Variants in ASIP observed in about 807,000 individuals in gnomAD.
ASIP encodes agouti signaling protein.
A neutral mutation model predicts 10.3 loss-of-function variants in ASIP; 11 were observed. The ratio of observed to expected loss-of-function variants is 1.07; its 90% CI spans 0.68 to 1.78. The LOEUF is 1.78. ASIP is among the 40% of genes most tolerant of loss of function. The probability of loss-of-function intolerance (pLI) is 0.00; values close to 1 mark genes in which losing one functional copy is unlikely to be tolerated. For missense variants in ASIP, 180 were observed against 169.2 expected (o/e 1.06, Z -0.35); for synonymous variants, 70 against 70.8 (o/e 0.99, Z 0.06).
intron 1 of ASIP, chr20:34,214,716 A>T: frequency 8.9e-7 from 1 of 1,125,964 alleles, no homozygotes. Context: ...CTTCATCATA[A>T]GTCAATTTTT....
chr20:34,265,429 T>A (rs547327589), intron 3 of ASIP, among the ~76,000 whole-genome samples: 2 of 151,796 alleles, frequency 1.3e-5, no homozygotes, highest in Admixed American at 6.6e-5. Context: ...GAGGCTGAAG[T>A]AGGAGAATCG....
At chr20:34,196,010 C>T (rs1302576434) in intron 1 of ASIP, among the ~76,000 whole-genome samples, 3 of 152,032 alleles carry the variant, frequency 2.0e-5, no homozygotes, top group Non-Finnish European at 2.9e-5. Flanking sequence ...CTTGCCATAT[C>T]TTGGTTCCAC....
chr20:34,254,961 G>C (rs2035543641), intron 1 of ASIP, among the ~76,000 whole-genome samples: 1 of 152,104 alleles, frequency 6.6e-6, no homozygotes, highest in African/African-American at 2.4e-5. Flanking sequence ...GTTTTGCCGG[G>C]GGTTGGTCTG....
chr20:34,254,648 T>C (rs1409732781), intron 1 of ASIP, among the ~76,000 whole-genome samples: 1 of 152,186 alleles, frequency 6.6e-6, no homozygotes, highest in Non-Finnish European at 1.5e-5. Flanking sequence ...TATAGAAGCA[T>C]TAATATTTTC....
At chr20:34,196,414 C>T (rs935698318) in intron 1 of ASIP, among the ~76,000 whole-genome samples, 11 of 151,930 alleles carry the variant, frequency 7.2e-5, no homozygotes, top group Non-Finnish European at 1.3e-4. Context: ...ACCTCATGAT[C>T]CACCCGCCTC....
intron 1 of ASIP, among the ~76,000 whole-genome samples, chr20:34,249,090 C>G (rs2035429633): frequency 6.7e-6 from 1 of 150,166 alleles, no homozygotes; most frequent in Non-Finnish European, 1.5e-5. Flanking sequence ...GATGGCACCA[C>G]TGCACTCCAG....
In ASIP at chr20:34,269,167, A is replaced by T. The variant is rs893598428; in HGVS notation, c.399A>T (p.Ter133CysextTer22). The change falls in exon 4 of 4, where the codon TGA becomes TGT. Residue 133 changes from the stop codon to cysteine (C), a stop_lost. Transcript: ENST00000374954. ...GCCGCGTGCTCAGCCTCAACTGCTG[A>T]GCGCCCCCACTCCCGGCCGCGAGCA... ...CSCRVLSLNC[*>C] The T allele has an allele frequency of 1.3e-6, 2 of 1,522,582 alleles. No individual in the cohort carries two copies. Among genetic ancestry groups the T allele is most frequent in the Non-Finnish European group, 1.8e-6 (2 of 1,133,826 alleles). 94.3% of individuals were successfully genotyped at this position (1,522,582 alleles called of 1,614,324 possible).
Position 34,208,333 on chromosome 20 carries a change from A to G in ASIP, c.-11+13573A>G, listed in dbSNP as rs1402196256. On this transcript the variant is annotated intron_variant, in intron 1 of 3. Transcript: ENST00000568305. ...GACTTTTAAAAATATTTTTGTGAAG[A>G]ATGTCATTGGTATTTTTTTGTTTGT... is the stretch of plus-strand genomic sequence containing the variant. Among the ~76,000 whole-genome samples the G allele has an allele frequency of 2.0e-5, 3 of 151,860 alleles. No homozygotes were observed. The East Asian group carries it at 5.8e-4, about 29-fold the overall frequency.
chr20:34,214,566 T>G, intron 1 of ASIP: 1 of 1,460,000 alleles, frequency 6.8e-7, no homozygotes, highest in Non-Finnish European at 9.6e-7. Context: ...AATTCTGCAG[T>G]GTAGAACTAA....
At chr20:34,219,120 A>C (rs1186554798) in intron 1 of ASIP, among the ~76,000 whole-genome samples, 1 of 152,126 alleles carries the variant, frequency 6.6e-6, no homozygotes, top group Non-Finnish European at 1.5e-5. Context: ...ATAAATATAG[A>C]CTCAAAGCTC....
chr20:34,255,643 G>A (rs6120579), intron 1 of ASIP, among the ~76,000 whole-genome samples: 17,988 of 152,206 alleles, frequency 0.12, 1,138 homozygotes, highest in South Asian at 0.19. Context: ...AATAATCTTT[G>A]TTCTACAATT....
chr20:34,260,627 G>C, intron 2 of ASIP, 93 bp downstream of exon 2: 1 of 1,342,922 alleles, frequency 7.4e-7, no homozygotes, highest in Admixed American at 2.2e-5. Context: ...CACCGCCATG[G>C]TCACGGCTCC....
chr20:34,259,922 T>C (rs2035659636), intron 1 of ASIP, among the ~76,000 whole-genome samples: 1 of 152,108 alleles, frequency 6.6e-6, no homozygotes. Flanking sequence ...TACCTCTTCA[T>C]CTTTCTCACT....
chr20:34,260,587 A>C, intron 2 of ASIP, 53 bp downstream of exon 2: 1 of 1,528,936 alleles, frequency 6.5e-7, no homozygotes, highest in South Asian at 1.2e-5. Context: ...GCAGGAGATC[A>C]AGCATGCTTC....
chr20:34,191,121 A>G (rs1011106291), upstream of ASIP, among the ~76,000 whole-genome samples: 22 of 152,340 alleles, frequency 1.4e-4, no homozygotes, highest in Admixed American at 5.9e-4. Context: ...GAAAGTGTGG[A>G]GCCTGGTGTT....
At chr20:34,246,585 C>A (rs979272862) in intron 1 of ASIP, 2 of 726,710 alleles carry the variant, frequency 2.8e-6, no homozygotes, top group Non-Finnish European at 4.9e-6. Context: ...CCACCTCAGC[C>A]TCCTAGGACC....
intron 1 of ASIP, among the ~76,000 whole-genome samples, chr20:34,201,017 C>T (rs6142119): frequency 0.17 from 10,867 of 63,464 alleles, 896 homozygotes; most frequent in East Asian, 0.28. Context: ...TCCTTCCTTC[C>T]TTCTTTCTTT....
intron 1 of ASIP, among the ~76,000 whole-genome samples, chr20:34,233,530 CTG>C (rs747137433): frequency 1.3e-5 from 2 of 152,288 alleles, no homozygotes; most frequent in Admixed American, 6.5e-5. Flanking sequence ...TTGCACAACT[CTG>C]TGAATAAACT....
intron 1 of ASIP, among the ~76,000 whole-genome samples, chr20:34,213,007 G>C (rs1372986611): frequency 6.6e-6 from 1 of 152,158 alleles, no homozygotes; most frequent in Non-Finnish European, 1.5e-5. Flanking sequence ...AAGCCTCCTA[G>C]AATGTTTATC....
Sources: allele counts gnomAD v4.1 joint callset (sites outside exome capture counted in the v4.1 genomes callset), GRCh38; gene constraint gnomAD v4.1.1; transcripts MANE v1.5; gene names NCBI Gene and HGNC (gene_info 2026-07-23, HGNC 2026-07-21).